The following MBL2 variants were observed in gnomAD, a reference collection of about 807,000 sequenced individuals.
The protein encoded by MBL2 is mannose-binding protein C.
Under a neutral mutation model 12.7 loss-of-function variants are expected in MBL2, and 6 were observed. The observed-to-expected ratio is 0.47, with a 90% CI of 0.26 to 0.94. The LOEUF is 0.94. Ranked by LOEUF, MBL2 falls within the 40% of genes least tolerant of loss-of-function variation. The pLI is 0.15. For synonymous variants in MBL2, 114 were observed against 112.0 expected, an observed-to-expected ratio of 1.02 and a Z score of -0.11; for missense variants, 307 against 295.2, an observed-to-expected ratio of 1.04 and a Z score of -0.29.
rs1489999430 is a variant in MBL2, at chr10:52,772,748, C to A, written c.-21G>T. ...CAGAAATGACTTACTGGTGTTTCTGCAGAGCAGGGACTCAGTGACAAGGAC... is the reference window on the plus strand; with the variant it reads ...CAGAAATGACTTACTGGTGTTTCTGAAGAGCAGGGACTCAGTGACAAGGAC... On this transcript the variant is annotated 5_prime_UTR_variant, in exon 1 of 5. Transcript: ENST00000674931. 4.1e-6 allele frequency: 4 copies of A among 985,346 alleles called. No homozygotes were observed. The East Asian group carries it at 4.5e-4, about 112-fold the overall frequency. The allele number at this position is 985,346 out of a possible 1,614,324, so 61.0% of individuals were successfully genotyped here. A position where few individuals can be genotyped will look rare whatever the true frequency, so the allele number is the denominator to read the frequency against.
At position 52,771,504 on chromosome 10, in the gene MBL2, G is replaced by A. The variant is rs34120190; in HGVS notation, c.132C>T (p.Asn44=). ...CACGCCCATCTTTGCCTGGGAAGCCGTTGATGCCTGGAGAGCTACAGGCAA... is the reference window on the plus strand; with the variant it reads ...CACGCCCATCTTTGCCTGGGAAGCCATTGATGCCTGGAGAGCTACAGGCAA... The part of the protein sequence containing the change: ...AVIACSSPGI[N]GFPGKDGRDG... The change falls in exon 2 of 5, where the codon AAC becomes AAT. Residue 44 remains asparagine, a synonymous_variant. Transcript: ENST00000674931. 2,079 of 1,613,864 alleles carry A rather than the reference G, an allele frequency of 1.3e-3. 22 individuals are homozygous for A. The Middle Eastern group carries it at 0.014, about 11-fold the overall frequency.
At chr10:52,771,353 A>G in intron 2 of MBL2, 96 bp downstream of exon 2, 1 of 1,393,094 alleles carries the variant, frequency 7.2e-7, no homozygotes, top group Non-Finnish European at 9.8e-7. Flanking sequence ...ATAGTTGAGA[A>G]AAATATACTC....
rs1161234429 is a variant in MBL2, at chr10:52,771,492, G to A, written c.144C>T (p.Gly48=). ...CCTTGGTGCCATCACGCCCATCTTT[G>A]CCTGGGAAGCCGTTGATGCCTGGAG... ...CSSPGINGFP[G]KDGRDGTKGE... The change falls in exon 2 of 5, where the codon GGC becomes GGT. Residue 48 remains glycine, a synonymous_variant. Coordinates refer to ENST00000674931, the MANE Select transcript of MBL2 (RefSeq NM_001378373.1). 1 of 1,613,880 alleles carries A rather than the reference G, an allele frequency of 6.2e-7. No individual in the cohort carries two copies. Among genetic ancestry groups the A allele is most frequent in the East Asian group, 2.2e-5 (1 of 44,862 alleles).
Position 52,767,563 on chromosome 10 carries a change from ATG to A in MBL2, c.*572_*573del, listed in dbSNP as rs1840325569. 6.6e-6 allele frequency: 1 copy of A among 151,984 alleles called. No homozygotes were observed. The allele number at this position is 151,984 out of a possible 1,614,324, so 9.4% of individuals were successfully genotyped here. On this transcript the variant is annotated 3_prime_UTR_variant, in exon 5 of 5. Coordinates refer to ENST00000674931, the MANE Select transcript of MBL2 (RefSeq NM_001378373.1). ...CTAGAAAGTGAGTATATAGGTATGT[ATG>A]TGTGTGAGAATTTGTGAAGCTGTTT...
rs769868112 is a variant in MBL2 at position 52,769,262 on chromosome 10, C to T, written c.358G>A (p.Ala120Thr). 29 of 1,610,394 alleles carry T rather than the reference C, an allele frequency of 1.8e-5. No homozygotes were observed. In the African/African-American group the frequency reaches 2.4e-4, roughly 13 times the overall value. ...SERKALQTEM[A>T]RIKKWLTFSL... ...AAAAGCTTACACTTTTTGATACGTG[C>T]CATTTCTGTTTGCAGAGCTTTTCTT... Residue 120 changes from alanine to threonine, a missense_variant, in exon 4 of 5, where the codon GCA (alanine) becomes ACA (threonine). By Grantham distance (58) the Ala-to-Thr change is moderately conservative (BLOSUM62 0). Coordinates refer to ENST00000674931, the MANE Select transcript of MBL2 (RefSeq NM_001378373.1).
Position 52,771,606 on chromosome 10 carries a change from A to G in MBL2, c.30T>C (p.Leu10=), listed in dbSNP as rs1840394607. 1.9e-6 allele frequency: 3 copies of G among 1,613,498 alleles called. No homozygotes were observed. Among genetic ancestry groups the G allele is most frequent in the Non-Finnish European group, 2.5e-6 (3 of 1,179,796 alleles). The change falls in exon 2 of 5, where the codon CTT becomes CTC. Residue 10 remains leucine, a synonymous_variant. Transcript: ENST00000674931. ...AAGACGCTGCCACCATACTCAGGAG[A>G]AGGAGAGGGAGTGATGGAAACAGGG... The part of the protein sequence containing the change: MSLFPSLPL[L]LLSMVAASYS...
At position 52,767,984 on chromosome 10, in the gene MBL2, C is replaced by T; in HGVS notation, c.*153G>A. The T allele has an allele frequency of 1.2e-6, 1 of 844,796 alleles. No individual in the cohort carries two copies. Among genetic ancestry groups the T allele is most frequent in the South Asian group, 2.3e-5 (1 of 42,634 alleles). 52.3% of individuals were successfully genotyped at this position (844,796 alleles called of 1,614,324 possible). Reference sequence around the variant, plus strand: ...CTAACTACTACTACTACTATTATTGCTTTGTTGGTGCTGTTAGTGATCATT... The same window carrying T: ...CTAACTACTACTACTACTATTATTGTTTTGTTGGTGCTGTTAGTGATCATT... On this transcript the variant is annotated 3_prime_UTR_variant, in exon 5 of 5. Coordinates refer to ENST00000674931, the MANE Select transcript of MBL2 (RefSeq NM_001378373.1).
rs1197758935 is a variant in MBL2, at chr10:52,766,733, C to G, written c.*1404G>C. ...TTCAACATTAGGAGCAAGTCAAAAA[C>G]TAGCAAAATATTTGTAATACACATT... On this transcript the variant is annotated 3_prime_UTR_variant, in exon 5 of 5. Transcript: ENST00000674931. The G allele has an allele frequency of 6.6e-6, 1 of 151,982 alleles. No homozygotes were observed. The highest frequency in any genetic ancestry group is 1.5e-5 in the Non-Finnish European group (1 of 67,982). 9.4% of individuals were successfully genotyped at this position (151,982 alleles called of 1,614,324 possible).
At chr10:52,772,064 C>G (rs1406331780) in intron 1 of MBL2, among the ~76,000 whole-genome samples, 1 of 152,170 alleles carries the variant, frequency 6.6e-6, no homozygotes, top group Non-Finnish European at 1.5e-5. Flanking sequence ...CCATCTGCCA[C>G]CTGAATCCCA....
At position 52,768,067 on chromosome 10, in the gene MBL2, T is replaced by A; in HGVS notation, c.*70A>T. The A allele has an allele frequency of 6.7e-7, 1 of 1,501,610 alleles. No individual in the cohort carries two copies. Among genetic ancestry groups the A allele is most frequent in the Non-Finnish European group, 8.9e-7 (1 of 1,123,082 alleles). 93.0% of individuals were successfully genotyped at this position (1,501,610 alleles called of 1,614,324 possible). A position where few individuals can be genotyped will look rare whatever the true frequency, so the allele number is the denominator to read the frequency against. ...GATATGAGGAAATTGATATAATTTA[T>A]CTTTTCAAGCATACTGTGGGCCTGT... On this transcript the variant is annotated 3_prime_UTR_variant, in exon 5 of 5. Coordinates refer to ENST00000674931, the MANE Select transcript of MBL2 (RefSeq NM_001378373.1).
intron 3 of MBL2, among the ~76,000 whole-genome samples, 184 bp from the exon 4 acceptor site, chr10:52,769,499 C>A (rs35260458): frequency 6.6e-6 from 1 of 152,126 alleles, no homozygotes; most frequent in Non-Finnish European, 1.5e-5. Flanking sequence ...CTATTTCCAT[C>A]CAACCCCAAA....
rs1840388268 is a variant in MBL2 at position 52,771,307 on chromosome 10, G to C, written c.187+142C>G. ...TGCTGTGTGGAATTCTGAGATGCCA[G>C]AGAATGAGAGCTGAATCTCTGTTTT... On this transcript the variant is annotated intron_variant, in intron 2 of 4. Coordinates refer to ENST00000674931, the MANE Select transcript of MBL2 (RefSeq NM_001378373.1). 4.0e-6 allele frequency: 4 copies of C among 989,496 alleles called. No individual in the cohort carries two copies. In the African/African-American group the frequency reaches 4.9e-5, roughly 12 times the overall value. 61.3% of individuals were successfully genotyped at this position (989,496 alleles called of 1,614,324 possible).
At chr10:52,768,604 T>G (rs1345138306) in intron 4 of MBL2, 94 bp from the exon 5 acceptor site, 28 of 793,650 alleles carry the variant, frequency 3.5e-5, no homozygotes, top group Non-Finnish European at 5.3e-5. Context: ...AGTTGCCGGA[T>G]AAAATATAGT....
intron 1 of MBL2, among the ~76,000 whole-genome samples, chr10:52,772,465 C>T (rs1840409811): frequency 6.6e-6 from 1 of 152,100 alleles, no homozygotes; most frequent in African/African-American, 2.4e-5. Flanking sequence ...CAGCTATTGC[C>T]CCCTAAGAAA....
At chr10:52,771,394 G>T in intron 2 of MBL2, 55 bp downstream of exon 2, 1 of 1,590,188 alleles carries the variant, frequency 6.3e-7, no homozygotes. Context: ...CATATCCCCA[G>T]GCAGTTTCCT....
rs1436113328 is a variant in MBL2, at chr10:52,768,179, G to T, written c.705C>A (p.Pro235=). The part of the protein sequence containing the change: ...LLKNGQWNDV[P]CSTSHLAVCE... ...AGACGGCCAGATGGGAGGTGGAGCAGGGGACGTCATTCCACTGGCCATTTT... is the reference window on the plus strand; with the variant it reads ...AGACGGCCAGATGGGAGGTGGAGCATGGGACGTCATTCCACTGGCCATTTT... The change falls in exon 5 of 5, where the codon CCC becomes CCA. Residue 235 remains proline (P), a synonymous_variant. Transcript: ENST00000674931. 6.2e-7 allele frequency: 1 copy of T among 1,612,328 alleles called. No homozygotes were observed. Among genetic ancestry groups the T allele is most frequent in the South Asian group, 1.1e-5 (1 of 90,848 alleles).
chr10:52,771,319 T>G (rs561142093), intron 2 of MBL2, 130 bp downstream of exon 2: 35 of 1,042,734 alleles, frequency 3.4e-5, no homozygotes, highest in Non-Finnish European at 4.1e-5. Flanking sequence ...GAATGAGAGC[T>G]GAATCTCTGT....
rs1205107543 is a variant in MBL2 at position 52,769,148 on chromosome 10, C to CT, written c.373+98dup. The CT allele has an allele frequency of 1.7e-5, 13 of 765,644 alleles. 1 individual carries two copies. The African/African-American group carries it at 1.9e-4, about 11-fold the overall frequency. The allele number at this position is 765,644 out of a possible 1,614,324, so 47.4% of individuals were successfully genotyped here. ...CATGAGGTAAGAATATGAGAAATGC[C>CT]TAGCAGGGTACAGAAAATTATATGC... is the stretch of plus-strand genomic sequence containing the variant. On this transcript the variant is annotated intron_variant, in intron 4 of 4. Coordinates refer to ENST00000674931, the MANE Select transcript of MBL2 (RefSeq NM_001378373.1).
chr10:52,772,008 A>G (rs1355140515), intron 1 of MBL2, among the ~76,000 whole-genome samples: 1 of 144,402 alleles, frequency 6.9e-6, no homozygotes, highest in Non-Finnish European at 1.5e-5. Flanking sequence ...GTGGAAACCC[A>G]GGTGTCTGTA....
Sources: allele counts gnomAD v4.1 joint callset (sites outside exome capture counted in the v4.1 genomes callset), GRCh38; gene constraint gnomAD v4.1.1; transcripts MANE v1.5; gene names NCBI Gene and HGNC (gene_info 2026-07-23, HGNC 2026-07-21).